RLIM: variants seen among roughly 807,000 people sequenced by gnomAD.
The protein encoded by RLIM is ring finger protein, LIM domain interacting, also known as E3 ubiquitin-protein ligase RLIM.
RLIM carries 2 observed loss-of-function variants against 34.0 expected under a neutral mutation model. That is an observed-to-expected ratio of 0.06 (90% confidence interval 0.02 to 0.19). RLIM has a LOEUF of 0.19. Among genes scored for constraint, RLIM ranks in the 10% least tolerant of loss-of-function variants. The pLI is 1.00. For synonymous variants in RLIM, 169 were observed against 164.0 expected, an observed-to-expected ratio of 1.03 and a Z score of -0.23; for missense variants, 286 against 479.7, an observed-to-expected ratio of 0.60 and a Z score of 3.77.
At position 74,590,120 on chromosome X, in the gene RLIM, A is replaced by G. The variant is rs1382520678; in HGVS notation, c.*1320T>C. The G allele has an allele frequency of 8.9e-6, 1 of 112,161 alleles. No homozygotes were observed. Among genetic ancestry groups the G allele is most frequent in the Non-Finnish European group, 1.9e-5 (1 of 53,223 alleles). 9.2% of individuals were successfully genotyped at this position (112,161 alleles called of 1,213,427 possible). ...AAATGACAAATCTCAAAAACAACAC[A>G]AATTCGAGACTTTCCTATTAACACA... On this transcript the variant is annotated 3_prime_UTR_variant, in exon 4 of 4. Coordinates refer to ENST00000332687, the MANE Select transcript of RLIM (RefSeq NM_016120.4).
intron 1 of RLIM, among the ~76,000 whole-genome samples, chrX:74,596,541 C>G (rs1327576939): frequency 8.9e-6 from 1 of 112,241 alleles, no homozygotes; most frequent in Admixed American, 9.5e-5. Flanking sequence ...GCCACCGCAC[C>G]CAGCCTCGTG....
intron 1 of RLIM, among the ~76,000 whole-genome samples, chrX:74,611,448 A>G (rs2079710493): frequency 8.9e-6 from 1 of 112,268 alleles, no homozygotes; most frequent in Non-Finnish European, 1.9e-5. Context: ...TATTTCTTAA[A>G]ATCATTTCTG....
chrX:74,614,140 G>A (rs924034484), intron 1 of RLIM, among the ~76,000 whole-genome samples: 2 of 109,933 alleles, frequency 1.8e-5, no homozygotes, highest in African/African-American at 6.6e-5. Context: ...ATTTCCTAAG[G>A]CTCCGGAGGG....
chrX:74,597,095 ATCACAAAATATTTCT>A (rs1390290117), intron 1 of RLIM, among the ~76,000 whole-genome samples: 3 of 112,401 alleles, frequency 2.7e-5, no homozygotes, highest in Non-Finnish European at 5.6e-5. Flanking sequence ...GTGAAATCTC[ATCACAAAATATTTCT>A]TCACAAAAAT....
intron 1 of RLIM, among the ~76,000 whole-genome samples, chrX:74,610,104 G>T (rs1022803371): frequency 3.6e-5 from 4 of 112,401 alleles, no homozygotes; most frequent in African/African-American, 1.3e-4. Context: ...AGGTGCTACT[G>T]TGACTAATGA....
rs1309461703 is a variant in RLIM at position 74,583,330 on chromosome X, CTT to C, written c.*8108_*8109del. 3.2e-6 allele frequency: 3 copies of C among 945,097 alleles called. No individual in the cohort carries two copies. The highest frequency in any genetic ancestry group is 3.1e-6 in the Non-Finnish European group (2 of 651,647). The allele number at this position is 945,097 out of a possible 1,213,427, so 77.9% of individuals were successfully genotyped here. A position where few individuals can be genotyped will look rare whatever the true frequency, so the allele number is the denominator to read the frequency against. On this transcript the variant is annotated 3_prime_UTR_variant, in exon 4 of 4. Coordinates refer to ENST00000332687, the MANE Select transcript of RLIM (RefSeq NM_016120.4). The stretch of plus-strand genomic sequence containing the variant: ...CATTCACCCAACATTTGCTTTTGCT[CTT>C]GAGGGGCAGATGCCAACATGGAAAC...
In RLIM at chrX:74,614,598, T is replaced by A. The variant is rs933917569; in HGVS notation, c.-200A>T. The A allele has an allele frequency of 7.2e-5, 8 of 111,857 alleles. No individual in the cohort carries two copies. Among genetic ancestry groups the A allele is most frequent in the African/African-American group, 2.6e-4 (8 of 30,711 alleles). The allele number at this position is 111,857 out of a possible 1,213,427, so 9.2% of individuals were successfully genotyped here. On this transcript the variant is annotated 5_prime_UTR_variant, in exon 1 of 4. Coordinates refer to ENST00000332687, the MANE Select transcript of RLIM (RefSeq NM_016120.4). ...AGGCAGCCATTATCTTCCCCATTGT[T>A]ACCAAGCAGCGACAGGAAACGACTG...
intron 1 of RLIM, among the ~76,000 whole-genome samples, chrX:74,608,761 A>G (rs2079693887): frequency 8.9e-6 from 1 of 112,444 alleles, no homozygotes; most frequent in African/African-American, 3.2e-5. Flanking sequence ...AAAACAGTTA[A>G]AACTGAAAGA....
At chrX:74,593,236 C>T (rs780691503) in intron 3 of RLIM, among the ~76,000 whole-genome samples, 175 bp from the exon 4 acceptor site, 1 of 112,367 alleles carries the variant, frequency 8.9e-6, no homozygotes, top group South Asian at 3.6e-4. Flanking sequence ...AATTCTAATT[C>T]CATTTGAAAA....
At chrX:74,611,786 G>A (rs993523722) in intron 1 of RLIM, among the ~76,000 whole-genome samples, 1 of 112,129 alleles carries the variant, frequency 8.9e-6, no homozygotes, top group African/African-American at 3.2e-5. Context: ...ACCACTTAAA[G>A]CTATTTAACT....
rs972266122 is a variant in RLIM at position 74,585,913 on chromosome X, C to T, written c.*5527G>A. ...ACTTTAGTCTTTACAGAACATACAT[C>T]TATGTGCTTTGTGACCAAAGACATA... is the stretch of plus-strand genomic sequence containing the variant. On this transcript the variant is annotated 3_prime_UTR_variant, in exon 4 of 4. Transcript: ENST00000332687. 4 of 112,148 alleles carry T rather than the reference C, an allele frequency of 3.6e-5. No homozygotes were observed. The highest frequency in any genetic ancestry group is 1.9e-5 in the Non-Finnish European group (1 of 53,265). 9.2% of individuals were successfully genotyped at this position (112,148 alleles called of 1,213,427 possible). A position where few individuals can be genotyped will look rare whatever the true frequency, so the allele number is the denominator to read the frequency against.
Position 74,591,295 on chromosome X carries a change from AGG to A in RLIM, c.*143_*144del. 4 of 488,629 alleles carry A rather than the reference AGG, an allele frequency of 8.2e-6. No homozygotes were observed. The highest frequency in any genetic ancestry group is 1.4e-5 in the Non-Finnish European group (4 of 294,757). 40.3% of individuals were successfully genotyped at this position (488,629 alleles called of 1,213,427 possible). ...TTATTCTGGAACAAAAACTGGAGAA[AGG>A]ACAATGATTCCTTCAGAAAGCAATG... On this transcript the variant is annotated 3_prime_UTR_variant, in exon 4 of 4. Transcript: ENST00000332687.
Position 74,599,470 on chromosome X carries a change from T to C in RLIM, c.-23-3470A>G, listed in dbSNP as rs571354642. Among the ~76,000 whole-genome samples, 4 of 112,198 alleles carry C rather than the reference T, an allele frequency of 3.6e-5. No individual in the cohort carries two copies. In the Middle Eastern group the frequency reaches 0.014, roughly 388 times the overall value. On this transcript the variant is annotated intron_variant, in intron 1 of 3. Coordinates refer to ENST00000332687, the MANE Select transcript of RLIM (RefSeq NM_016120.4). ...AACATATGTGCTACTGACCAAATGT[T>C]TGTCCCCCTCAAATTCACATGTTGA...
intron 1 of RLIM, among the ~76,000 whole-genome samples, chrX:74,599,492 T>C (rs2079652550): frequency 1.8e-5 from 2 of 112,023 alleles, no homozygotes; most frequent in South Asian, 3.7e-4. Context: ...AATTCACATG[T>C]TGAAATCCTA....
chrX:74,608,987 G>A (rs1235881684), intron 1 of RLIM, among the ~76,000 whole-genome samples: 1 of 111,329 alleles, frequency 9.0e-6, no homozygotes, highest in Non-Finnish European at 1.9e-5. Context: ...CCATAAACTC[G>A]TTTTGACTTG....
At position 74,585,099 on chromosome X, in the gene RLIM, C is replaced by T. The variant is rs1431762079; in HGVS notation, c.*6341G>A. ...AATGGAAGACAGAAGTACAAGCACA[C>T]GTGCACACCTACAAGTTTTTGTATA... On this transcript the variant is annotated 3_prime_UTR_variant, in exon 4 of 4. Transcript: ENST00000332687. 1 of 111,896 alleles carries T rather than the reference C, an allele frequency of 8.9e-6. No homozygotes were observed. Among genetic ancestry groups the T allele is most frequent in the Non-Finnish European group, 1.9e-5 (1 of 53,224 alleles). 9.2% of individuals were successfully genotyped at this position (111,896 alleles called of 1,213,427 possible). A position where few individuals can be genotyped will look rare whatever the true frequency, so the allele number is the denominator to read the frequency against.
chrX:74,610,882 T>G (rs775700963), intron 1 of RLIM, among the ~76,000 whole-genome samples: 1 of 107,217 alleles, frequency 9.3e-6, no homozygotes, highest in Non-Finnish European at 1.9e-5. Flanking sequence ...AGAGTGAGAC[T>G]CCGTCTCAAA....
chrX:74,593,164 G>A (rs898556261), intron 3 of RLIM, 103 bp from the exon 4 acceptor site: 5 of 838,959 alleles, frequency 6.0e-6, no homozygotes, highest in South Asian at 3.8e-5. Context: ...TTAAAAATTC[G>A]GAACACATTT....
chrX:74,590,071 T>C lies in RLIM; in HGVS notation c.*1369A>G, dbSNP rs901363232. 1 of 112,185 alleles carries C rather than the reference T, an allele frequency of 8.9e-6. No individual in the cohort carries two copies. Among genetic ancestry groups the C allele is most frequent in the Non-Finnish European group, 1.9e-5 (1 of 53,261 alleles). The allele number at this position is 112,185 out of a possible 1,213,427, so 9.2% of individuals were successfully genotyped here. On this transcript the variant is annotated 3_prime_UTR_variant, in exon 4 of 4. Transcript: ENST00000332687. ...CTGTGTTAGAGATAGTAATGAAATA[T>C]GATCAAGTGTGCACTGGTACCTTAA...
Sources: allele counts gnomAD v4.1 joint callset (sites outside exome capture counted in the v4.1 genomes callset), GRCh38; gene constraint gnomAD v4.1.1; transcripts MANE v1.5; gene names NCBI Gene and HGNC (gene_info 2026-07-23, HGNC 2026-07-21).